The following SPTBN2 variants were observed in gnomAD, a reference collection of about 807,000 sequenced individuals.
The protein encoded by SPTBN2 is spectrin beta, non-erythrocytic 2.
In SPTBN2, 107 loss-of-function variants were observed where a neutral mutation model predicts 284.2. The ratio of observed to expected loss-of-function variants is 0.38; its 90% CI spans 0.32 to 0.44. The LOEUF (loss-of-function observed/expected upper bound fraction) is 0.44. SPTBN2 is among the 20% of genes least tolerant of loss of function. The probability of loss-of-function intolerance (pLI) is 1.00; values close to 1 mark genes in which losing one functional copy is unlikely to be tolerated. For missense variants in SPTBN2, 2,569 were observed against 3,287.1 expected (o/e 0.78, Z 5.34); for synonymous variants, 1,289 against 1,354.8 (o/e 0.95, Z 1.07).
chr11:66,713,517 C>T (rs1194600771), intron 8 of SPTBN2, 114 bp downstream of exon 8: 6 of 804,596 alleles, frequency 7.5e-6, no homozygotes, highest in Non-Finnish European at 1.3e-5. Context: ...CCAAAGAAGC[C>T]CCTGTATCAG....
In SPTBN2 at chr11:66,694,236, T is replaced by A. The variant is rs1355572475; in HGVS notation, c.4406A>T (p.Lys1469Met). ...VERTSRAVEE[K>M]FRALCQPMRE... ...CATGGGCTGGCACAAGGCCCTGAAC[T>A]TCTCCTCCACGGCCCTCGAGGTTCT... The change falls in exon 22 of 38, where the codon AAG becomes ATG. Residue 1469 changes from lysine (K) to methionine (M), a missense_variant. Transcript: ENST00000533211. 4 of 1,614,064 alleles carry A rather than the reference T, an allele frequency of 2.5e-6. No individual in the cohort carries two copies. Among genetic ancestry groups the A allele is most frequent in the Admixed American group, 1.7e-5 (1 of 60,028 alleles).
chr11:66,712,546 CA>C (rs529073727), intron 8 of SPTBN2, among the ~76,000 whole-genome samples: 176 of 126,362 alleles, frequency 1.4e-3, no homozygotes, highest in Middle Eastern at 4.0e-3. Context: ...GACTCCGTCT[CA>C]AAAAAAAAAA....
chr11:66,721,168 G>A lies in SPTBN2; in HGVS notation c.73C>T (p.Arg25Cys), dbSNP rs1399781384. The A allele has an allele frequency of 6.2e-7, 1 of 1,614,112 alleles. No homozygotes were observed. The highest frequency in any genetic ancestry group is 8.5e-7 in the Non-Finnish European group (1 of 1,180,020). Residue 25 changes from arginine (R) to cysteine (C), a missense_variant, in exon 3 of 38, where the codon CGC becomes TGC. This residue lies in a region of SPTBN2 where 304 missense variants were observed against 522.1 expected (regional missense o/e 0.58). Transcript: ENST00000533211. ...IQGQYSDINN[R>C]WDLPDSDWDN... ...CAGTCCGAGTCAGGAAGGTCCCAGC[G>A]GTTGTTGATGTCACTGTACTGGCCC...
Position 66,685,801 on chromosome 11 carries a change from G to T in SPTBN2, c.*70C>A. 1 of 1,447,842 alleles carries T rather than the reference G, an allele frequency of 6.9e-7. No individual in the cohort carries two copies. The allele number at this position is 1,447,842 out of a possible 1,614,324, so 89.7% of individuals were successfully genotyped here. ...CAGGCAGTTGTCCTGACAAGAGGGC[G>T]GTCCCTGTCGACTGTCCCTGGCAGT... On this transcript the variant is annotated 3_prime_UTR_variant, in exon 38 of 38. Coordinates refer to ENST00000533211, the MANE Select transcript of SPTBN2 (RefSeq NM_006946.4). This position sits in a 1 kb window ranked among gnomAD's most constrained non-coding sequence, Gnocchi z 4.4.
chr11:66,742,317 CG>C (rs1382789498), intron 1 of SPTBN2, among the ~76,000 whole-genome samples: 14 of 152,310 alleles, frequency 9.2e-5, no homozygotes, highest in Admixed American at 5.9e-4. Flanking sequence ...GTTTACGCTA[CG>C]GAAGTCCTGA....
intron 21 of SPTBN2, 47 bp downstream of exon 21, chr11:66,696,230 C>G: frequency 1.1e-5 from 18 of 1,602,530 alleles, no homozygotes; most frequent in Non-Finnish European, 1.4e-5. Flanking sequence ...AAGCTGCAGC[C>G]CCTTTCTTCT....
Position 66,701,041 on chromosome 11 carries a change from G to A in SPTBN2, c.3058C>T (p.Arg1020Ter), listed in dbSNP as rs1198912592. The change falls in exon 17 of 38, where the codon CGA (arginine) becomes TGA (stop). Residue 1020 changes from arginine to a stop codon, truncating the protein, a stop_gained. Transcript: ENST00000533211. LOFTEE classifies it high-confidence loss of function. ...AIAARVGELT[R>*]EANALAAGHP... ...CCGGCAGCCAGGGCATTTGCCTCTC[G>A]AGTCAGTTCGCCCACCCGGGCGGCG... 6.2e-7 allele frequency: 1 copy of A among 1,609,382 alleles called. No homozygotes were observed. The highest frequency in any genetic ancestry group is 8.5e-7 in the Non-Finnish European group (1 of 1,179,842).
chr11:66,719,629 T>C (rs1027915559), intron 3 of SPTBN2, among the ~76,000 whole-genome samples: 1 of 152,150 alleles, frequency 6.6e-6, no homozygotes, highest in Admixed American at 6.5e-5. Context: ...GTGACAGTCC[T>C]GGGTGGCATG....
intron 1 of SPTBN2, among the ~76,000 whole-genome samples, chr11:66,734,983 CA>C (rs1230834540): frequency 1.6e-4 from 24 of 152,172 alleles, no homozygotes; most frequent in African/African-American, 5.6e-4. Flanking sequence ...AGGGATGATA[CA>C]GAGAGATCAA....
In SPTBN2 at chr11:66,685,726, C is replaced by A; in HGVS notation, c.*145G>T. ...TGCCCTTGGGAACATGGACTCGTCC[C>A]CAGTGACAGTTCCTGGTGATGGGTT... On this transcript the variant is annotated 3_prime_UTR_variant, in exon 38 of 38. Transcript: ENST00000533211. The surrounding 1 kb of genome is among the most constrained non-coding windows in gnomAD (Gnocchi z 4.4). 1.3e-6 allele frequency: 1 copy of A among 756,372 alleles called. No individual in the cohort carries two copies. The highest frequency in any genetic ancestry group is 2.6e-5 in the East Asian group (1 of 37,844). The allele number at this position is 756,372 out of a possible 1,614,324, so 46.9% of individuals were successfully genotyped here. A position where few individuals can be genotyped will look rare whatever the true frequency, so the allele number is the denominator to read the frequency against.
chr11:66,688,841 C>T lies in SPTBN2; in HGVS notation c.6043G>A (p.Val2015Met). The T allele has an allele frequency of 1.9e-6, 3 of 1,612,064 alleles. No individual in the cohort carries two copies. The highest frequency in any genetic ancestry group is 1.1e-5 in the South Asian group (1 of 91,084). ...KMDWLQLVLE[V>M]LVFGRDAGMA... ...CCTGCATCTCTTCCAAACACAAGCA[C>T]CTCCAAAACTGGCAGGATCGGGGGT... Residue 2015 changes from valine (V) to methionine (M), a missense_variant, in exon 31 of 38, where the codon GTG (valine) becomes ATG (methionine). By Grantham distance (21) the Val-to-Met change is conservative. Transcript: ENST00000533211.
rs944921715 is a variant in SPTBN2, at chr11:66,707,343, A to C, written c.1653+173T>G. ...TGTCATCAGCCTCCTCCATGTGGACACGAACCCCATGTGGACAGGGCCCTG... is the reference window on the plus strand; with the variant it reads ...TGTCATCAGCCTCCTCCATGTGGACCCGAACCCCATGTGGACAGGGCCCTG... On this transcript the variant is annotated intron_variant, in intron 13 of 37. Transcript: ENST00000533211. The surrounding 1 kb of genome is among the most constrained non-coding windows in gnomAD (Gnocchi z 4.9). Among the ~76,000 whole-genome samples, 6 of 152,214 alleles carry C rather than the reference A, an allele frequency of 3.9e-5. No individual in the cohort carries two copies. Among genetic ancestry groups the C allele is most frequent in the African/African-American group, 7.2e-5 (3 of 41,450 alleles).
rs377432560 is a variant in SPTBN2, at chr11:66,693,879, G to A, written c.4504-18C>T. The A allele has an allele frequency of 2.2e-5, 35 of 1,611,018 alleles. No homozygotes were observed. The Admixed American group carries it at 4.7e-4, about 22-fold the overall frequency. ...ACCCACAACTGGAAGAGGAAGAGGG[G>A]GTCAGTGGAGGCCCAGAGGGCAAGG... On this transcript the variant is annotated intron_variant, in intron 22 of 37. Transcript: ENST00000533211. The surrounding 1 kb of genome is among the most constrained non-coding windows in gnomAD (Gnocchi z 5.7).
rs183896567 is a variant in SPTBN2, at chr11:66,721,065, G to A, written c.157+19C>T. On this transcript the variant is annotated intron_variant, in intron 3 of 37. Transcript: ENST00000533211. ...GCCTCCTCCAGCATCCCCCCACCTC[G>A]ACCCTCCTCTGACCTCACCTGCCAG... is the stretch of plus-strand genomic sequence containing the variant. 21 of 1,614,066 alleles carry A rather than the reference G, an allele frequency of 1.3e-5. No homozygotes were observed. Among genetic ancestry groups the A allele is most frequent in the South Asian group, 8.8e-5 (8 of 91,078 alleles).
Position 66,708,230 on chromosome 11 carries a change from C to G in SPTBN2, c.1261G>C (p.Glu421Gln). Residue 421 changes from glutamate to glutamine, a missense_variant, in exon 12 of 38, where the codon GAG becomes CAG. Coordinates refer to ENST00000533211, the MANE Select transcript of SPTBN2 (RefSeq NM_006946.4). The surrounding 1 kb of genome is among the most constrained non-coding windows in gnomAD (Gnocchi z 4.4). Reference sequence around the variant, plus strand: ...CGGGCGGCCAGCTGCTCCAGCTTCTCCTGGCGGATGAGCTCGGTGCGCAGG... The same window carrying G: ...CGGGCGGCCAGCTGCTCCAGCTTCTGCTGGCGGATGAGCTCGGTGCGCAGG... ...LALRTELIRQ[E>Q]KLEQLAARFD... The G allele has an allele frequency of 6.2e-7, 1 of 1,611,244 alleles. No homozygotes were observed. The highest frequency in any genetic ancestry group is 1.1e-5 in the South Asian group (1 of 91,026).
At chr11:66,733,902 C>T (rs1032618375), upstream of SPTBN2, among the ~76,000 whole-genome samples, 10 of 149,848 alleles carry the variant, frequency 6.7e-5, no homozygotes, top group Admixed American at 5.4e-4. Flanking sequence ...GGCGTGAACC[C>T]GGGAAGCAGA....
Position 66,699,042 on chromosome 11 carries a change from G to A in SPTBN2, c.3817C>T (p.Arg1273Cys), listed in dbSNP as rs200709631. ...TGCTGCTCCCGGTTGTCCCGAAGAC[G>A]GCCCAGAAATTGCTGCGCTGCGTCT... is the stretch of plus-strand genomic sequence containing the variant. ...NQDAAQQFLG[R>C]LRDNREQQHF... Residue 1273 changes from arginine to cysteine, a missense_variant, in exon 19 of 38, where the codon CGT (arginine) becomes TGT (cysteine). Around this residue, in one of 6 missense-constraint regions of SPTBN2, gnomAD observed 1,012 missense variants for 1,248.9 expected, o/e 0.81. Transcript: ENST00000533211. 1.1e-5 allele frequency: 17 copies of A among 1,614,204 alleles called. No homozygotes were observed. In the East Asian group the frequency reaches 1.6e-4, roughly 15 times the overall value.
intron 1 of SPTBN2, among the ~76,000 whole-genome samples, chr11:66,727,535 C>T (rs1317781182): frequency 6.6e-6 from 1 of 152,236 alleles, no homozygotes; most frequent in Non-Finnish European, 1.5e-5. Flanking sequence ...GCGGGGCGGA[C>T]CGCACAGCCC....
chr11:66,699,137 C>T lies in SPTBN2; in HGVS notation c.3777-55G>A, dbSNP rs556177990. On this transcript the variant is annotated intron_variant, in intron 18 of 37. Transcript: ENST00000533211. Reference sequence around the variant, plus strand: ...GAATTTGCTGTGAAAGGATTGTGACCCTTTGGCTAACCTAGGGGCCTCCAT... The same window carrying T: ...GAATTTGCTGTGAAAGGATTGTGACTCTTTGGCTAACCTAGGGGCCTCCAT... 83 of 1,607,190 alleles carry T rather than the reference C, an allele frequency of 5.2e-5. No homozygotes were observed. The African/African-American group carries it at 8.9e-4, about 17-fold the overall frequency.
Sources: gnomAD v4.1 joint callset for allele counts (sites outside exome capture counted in the v4.1 genomes callset) on GRCh38, gnomAD v4.1.1 for gene constraint, gnomAD v4.1.1 regional missense constraint, Gnocchi (gnomAD v3.1) non-coding constraint, MANE v1.5 for transcripts, NCBI Gene and HGNC (gene_info 2026-07-23, HGNC 2026-07-21) for gene names.